Variants in ZFC3H1 observed in about 807,000 individuals in gnomAD.
ZFC3H1 encodes zinc finger C3H1-type containing.
In ZFC3H1, 71 loss-of-function variants were observed where a neutral mutation model predicts 243.7. That is an observed-to-expected ratio of 0.29 (90% confidence interval 0.24 to 0.36). The LOEUF is 0.36. ZFC3H1 is among the 10% of genes least tolerant of loss of function. The pLI, the probability that ZFC3H1 is intolerant of heterozygous loss-of-function variation, is 1.00. For missense variants in ZFC3H1, 1,966 were observed against 2,317.1 expected (o/e 0.85, Z 3.11); for synonymous variants, 838 against 813.0 (o/e 1.03, Z -0.52).
At position 71,610,536 on chromosome 12, in the gene ZFC3H1, A is replaced by C; in HGVS notation, c.5862T>G (p.Gly1954=). The change falls in exon 35 of 35, where the codon GGT becomes GGG. Residue 1954 remains glycine, a synonymous_variant. Coordinates refer to ENST00000378743, the MANE Select transcript of ZFC3H1 (RefSeq NM_144982.5). ...DQLLFEASEG[G]KTDNLRKLVS... ...CTAGTTTTCTCAGGTTATCAGTTTT[A>C]CCTCCTTCTGATGCTTCAAACAAGA... 1 of 1,613,556 alleles carries C rather than the reference A, an allele frequency of 6.2e-7. No individual in the cohort carries two copies. The highest frequency in any genetic ancestry group is 8.5e-7 in the Non-Finnish European group (1 of 1,179,640).
rs896635856 is a variant in ZFC3H1, at chr12:71,655,291, C to G, written c.1015+1594G>C. Among the ~76,000 whole-genome samples the G allele has an allele frequency of 1.3e-5, 2 of 152,040 alleles. 1 individual carries two copies. Among genetic ancestry groups the G allele is most frequent in the South Asian group, 4.1e-4 (2 of 4,826 alleles). Reference sequence around the variant, plus strand: ...AACCTACATGTTTAGAAGAAACATACTTCCAAGCAGCCTACAAGTCAATGA... The same window carrying G: ...AACCTACATGTTTAGAAGAAACATAGTTCCAAGCAGCCTACAAGTCAATGA... On this transcript the variant is annotated intron_variant, in intron 2 of 34. Transcript: ENST00000378743.
At chr12:71,654,611 G>C (rs1469778924) in intron 2 of ZFC3H1, among the ~76,000 whole-genome samples, 5 of 151,508 alleles carry the variant, frequency 3.3e-5, no homozygotes, top group Non-Finnish European at 7.4e-5. Context: ...AGGAATATAA[G>C]ACCAGAAATT....
Position 71,637,003 on chromosome 12 carries a change from A to G in ZFC3H1, c.1782T>C (p.Pro594=), listed in dbSNP as rs371287296. 15 of 1,613,984 alleles carry G rather than the reference A, an allele frequency of 9.3e-6. No homozygotes were observed. In the African/African-American group the frequency reaches 1.9e-4, roughly 20 times the overall value. ...GTGGTAATGGTGGTAGAGGAGGTAGAGGTTCAAGAGAAACACACAAGCCTT... is the reference window on the plus strand; with the variant it reads ...GTGGTAATGGTGGTAGAGGAGGTAGGGGTTCAAGAGAAACACACAAGCCTT... ...YVEGLCVSLE[P]LPPLPPLPPL... The change falls in exon 8 of 35, where the codon CCT becomes CCC. Residue 594 remains proline, a synonymous_variant. Transcript: ENST00000378743.
In ZFC3H1 at chr12:71,657,073, C is replaced by T; in HGVS notation, c.827G>A (p.Ser276Asn). 1 of 1,613,872 alleles carries T rather than the reference C, an allele frequency of 6.2e-7. No homozygotes were observed. The change falls in exon 2 of 35, where the codon AGT (serine) becomes AAT (asparagine). Residue 276 changes from serine (S) to asparagine (N), a missense_variant. Ser to Asn is a conservative substitution (Grantham distance 46). Coordinates refer to ENST00000378743, the MANE Select transcript of ZFC3H1 (RefSeq NM_144982.5). The part of the protein sequence containing the change: ...FEDQTSTDNV[S>N]ITKDSSKEVA... ...TTCTTTACTTGAATCCTTTGTAATA[C>T]TGACATTATCAGTGCTAGTTTGGTC...
chr12:71,610,559 A>T lies in ZFC3H1; in HGVS notation c.5839T>A (p.Leu1947Met). The T allele has an allele frequency of 1.2e-6, 2 of 1,613,300 alleles. No homozygotes were observed. Among genetic ancestry groups the T allele is most frequent in the Non-Finnish European group, 1.7e-6 (2 of 1,179,506 alleles). The change falls in exon 35 of 35, where the codon TTG (leucine) becomes ATG (methionine). Residue 1947 changes from leucine (L) to methionine (M), a missense_variant. Leu to Met is a conservative substitution (Grantham distance 15, BLOSUM62 2). Transcript: ENST00000378743. ...TTACCTCCTTCTGATGCTTCAAACA[A>T]GAGTTGCTGTAAAAGACAGGGAAGC... The part of the protein sequence containing the change: ...LCASLWKDQL[L>M]FEASEGGKTD...
At chr12:71,655,124 A>G (rs975143450) in intron 2 of ZFC3H1, among the ~76,000 whole-genome samples, 2 of 152,184 alleles carry the variant, frequency 1.3e-5, no homozygotes. Context: ...CATTTCAAAC[A>G]TACACAGAAC....
chr12:71,663,327 C>T lies in ZFC3H1; in HGVS notation c.284G>A (p.Arg95Gln), dbSNP rs1247881130. The T allele has an allele frequency of 1.3e-5, 21 of 1,613,164 alleles. No individual in the cohort carries two copies. Among genetic ancestry groups the T allele is most frequent in the Non-Finnish European group, 1.7e-5 (20 of 1,180,044 alleles). Residue 95 changes from arginine (R) to glutamine (Q), a missense_variant, in exon 1 of 35, where the codon CGG (arginine) becomes CAG (glutamine). By Grantham distance (43) the Arg-to-Gln change is conservative (BLOSUM62 1). Coordinates refer to ENST00000378743, the MANE Select transcript of ZFC3H1 (RefSeq NM_144982.5). The stretch of plus-strand genomic sequence containing the variant: ...GCTGCTGGGTCCCCTGAGGTGGCCC[C>T]GCTCAGACGCGTGCCGCGAGCGTGA... ...NFSRSRHASERGHLRGPSSYR... is the reference protein window; with the variant it reads ...NFSRSRHASEQGHLRGPSSYR...
chr12:71,644,812 C>G, intron 4 of ZFC3H1, 65 bp downstream of exon 4: 1 of 1,554,460 alleles, frequency 6.4e-7, no homozygotes, highest in Admixed American at 1.9e-5. Context: ...GAGCAAAACT[C>G]TGTCTCAAAA....
intron 19 of ZFC3H1, 84 bp from the exon 20 acceptor site, chr12:71,629,121 A>T: frequency 2.5e-6 from 3 of 1,193,652 alleles, no homozygotes; most frequent in Non-Finnish European, 3.4e-6. Flanking sequence ...AATATTTGAG[A>T]AGAACTACAT....
At chr12:71,632,680 T>G (rs878934826) in intron 14 of ZFC3H1, among the ~76,000 whole-genome samples, 166 bp from the exon 15 acceptor site, 2 of 152,192 alleles carry the variant, frequency 1.3e-5, no homozygotes, top group African/African-American at 4.8e-5. Flanking sequence ...TTTTGCTAGT[T>G]AATCTATGAC....
chr12:71,615,773 C>A (rs1372347184), intron 27 of ZFC3H1, among the ~76,000 whole-genome samples: 1 of 152,134 alleles, frequency 6.6e-6, no homozygotes, highest in African/African-American at 2.4e-5. Context: ...CTGCCTCAAC[C>A]TCCCAAAGTG....
In ZFC3H1 at chr12:71,663,401, A is replaced by ACCGCCT; in HGVS notation, c.204_209dup (p.Gly70_Gly71dup). On this transcript the variant is annotated inframe_insertion, in exon 1 of 35. Coordinates refer to ENST00000378743, the MANE Select transcript of ZFC3H1 (RefSeq NM_144982.5). ...AAGAGGACGATGACGAGGAAGAGCC[A>ACCGCCT]CCGCCTCCGCCAGATCCACCGCCCC... 1 of 1,611,876 alleles carries ACCGCCT rather than the reference A, an allele frequency of 6.2e-7. No individual in the cohort carries two copies. Among genetic ancestry groups the ACCGCCT allele is most frequent in the Non-Finnish European group, 8.5e-7 (1 of 1,180,002 alleles).
intron 3 of ZFC3H1, 66 bp downstream of exon 3, chr12:71,647,683 G>C (rs370607763): frequency 7.0e-6 from 6 of 857,046 alleles, no homozygotes; most frequent in Admixed American, 2.8e-5. Context: ...CCTTACAAAA[G>C]AACAAAATAA....
rs1399834047 is a variant in ZFC3H1, at chr12:71,657,280, G to A, written c.620C>T (p.Pro207Leu). 7 of 1,552,770 alleles carry A rather than the reference G, an allele frequency of 4.5e-6. No individual in the cohort carries two copies. The highest frequency in any genetic ancestry group is 6.1e-6 in the Non-Finnish European group (7 of 1,154,760). ...TGATGAATAATTTTGTTTTCTTGAT[G>A]GAGACCTTCCAAAACTTTTGGCTGA... Reference protein sequence around the residue: ...RKSSKSFGRSPSRKQNYSSKN... With the variant: ...RKSSKSFGRSLSRKQNYSSKN... Residue 207 changes from proline (P) to leucine (L), a missense_variant, in exon 2 of 35, where the codon CCA (proline) becomes CTA (leucine). Physicochemically the swap from Pro to Leu is moderately conservative, Grantham distance 98. Around this residue, in one of 4 missense-constraint regions of ZFC3H1, gnomAD observed 484 missense variants for 449.7 expected, o/e 1.08. Transcript: ENST00000378743.
At chr12:71,619,163 T>C in intron 27 of ZFC3H1, 152 bp downstream of exon 27, 1 of 598,660 alleles carries the variant, frequency 1.7e-6, no homozygotes, top group Non-Finnish European at 2.8e-6. Context: ...TTTTTATTGT[T>C]CTATTTATTC....
intron 2 of ZFC3H1, among the ~76,000 whole-genome samples, chr12:71,649,089 CT>C (rs1347685374): frequency 1.2e-4 from 12 of 96,750 alleles, no homozygotes; most frequent in Admixed American, 1.1e-3. Context: ...AGACTCTTGT[CT>C]CAAAAAAAAA....
intron 2 of ZFC3H1, among the ~76,000 whole-genome samples, chr12:71,653,678 G>A (rs1880945370): frequency 6.6e-6 from 1 of 152,220 alleles, no homozygotes; most frequent in Non-Finnish European, 1.5e-5. Context: ...TGATAGATGA[G>A]TTTTGAAAAT....
At chr12:71,621,476 G>T (rs994707892) in intron 24 of ZFC3H1, among the ~76,000 whole-genome samples, 3 of 151,988 alleles carry the variant, frequency 2.0e-5, no homozygotes, top group Non-Finnish European at 4.4e-5. Context: ...ACTAGTTTTT[G>T]TATTTTTAGT....
intron 2 of ZFC3H1, among the ~76,000 whole-genome samples, chr12:71,654,751 G>A (rs112845078): frequency 0.018 from 2,765 of 152,138 alleles, 71 homozygotes; most frequent in African/African-American, 0.062. Context: ...TAGACTATAC[G>A]TTCAAGCTAA....
Sources: gnomAD v4.1 joint callset for allele counts (sites outside exome capture counted in the v4.1 genomes callset) on GRCh38, gnomAD v4.1.1 for gene constraint, gnomAD v4.1.1 regional missense constraint, MANE v1.5 for transcripts, NCBI Gene and HGNC (gene_info 2026-07-23, HGNC 2026-07-21) for gene names.